Variants in FNDC3B observed in about 807,000 individuals in gnomAD.
The protein encoded by FNDC3B is fibronectin type III domain-containing protein 3B.
FNDC3B carries 12 observed loss-of-function variants against 151.5 expected under a neutral mutation model. That is an observed-to-expected ratio of 0.08 (90% CI 0.05 to 0.13). The LOEUF is 0.13. Among genes scored for constraint, FNDC3B ranks in the 10% least tolerant of loss-of-function variants. The pLI is 1.00. For synonymous variants in FNDC3B, 528 were observed against 549.0 expected (o/e 0.96, Z 0.54); for missense variants, 1,214 against 1,505.3 (o/e 0.81, Z 3.20).
At chr3:172,045,848 G>A (rs1444393732) in intron 1 of FNDC3B, among the ~76,000 whole-genome samples, 2 of 151,856 alleles carry the variant, frequency 1.3e-5, no homozygotes, top group African/African-American at 4.8e-5. Context: ...ATGGCATTAT[G>A]TGTTGTAAAG....
chr3:172,229,203 G>A (rs531268341), intron 4 of FNDC3B, among the ~76,000 whole-genome samples: 1 of 151,296 alleles, frequency 6.6e-6, no homozygotes, highest in East Asian at 1.9e-4. Flanking sequence ...CTGCTAGTTA[G>A]TTCTGTACAG....
intron 6 of FNDC3B, among the ~76,000 whole-genome samples, chr3:172,283,946 A>G (rs1052872678): frequency 8.3e-5 from 12 of 144,892 alleles, no homozygotes; most frequent in Admixed American, 6.0e-4. Context: ...CAAAACCATG[A>G]TATTACCACC....
intron 6 of FNDC3B, among the ~76,000 whole-genome samples, chr3:172,269,119 C>G (rs1176352973): frequency 6.6e-6 from 1 of 152,154 alleles, no homozygotes; most frequent in Non-Finnish European, 1.5e-5. Flanking sequence ...CTGTCTAGAA[C>G]GTTACAGTCT....
intron 1 of FNDC3B, among the ~76,000 whole-genome samples, chr3:172,043,054 A>G (rs1716171221): frequency 6.6e-6 from 1 of 152,110 alleles, no homozygotes; most frequent in Non-Finnish European, 1.5e-5. Flanking sequence ...AGCTGGGATT[A>G]CAGGCGCTTG....
chr3:172,150,895 CTTTATTT>C lies in FNDC3B; in HGVS notation c.187+17352_187+17358del, dbSNP rs538088578. ...CAAATAATCCATAAAATACACTACT[CTTTATTT>C]TTCTCATCTAGGTATTTTTTAAAAA... On this transcript the variant is annotated intron_variant, in intron 3 of 25. Coordinates refer to ENST00000415807, the MANE Select transcript of FNDC3B (RefSeq NM_022763.4). Among the ~76,000 whole-genome samples, 723 of 152,102 alleles carry C rather than the reference CTTTATTT, an allele frequency of 4.8e-3. 9 individuals are homozygous for C. Among genetic ancestry groups the C allele is most frequent in the African/African-American group, 0.017 (704 of 41,464 alleles).
At chr3:172,138,036 G>A (rs1721457757) in intron 3 of FNDC3B, among the ~76,000 whole-genome samples, 1 of 152,200 alleles carries the variant, frequency 6.6e-6, no homozygotes, top group Non-Finnish European at 1.5e-5. Context: ...TGCTGGCAAT[G>A]CAGCCTTCCT....
chr3:172,067,296 C>T (rs1013106639), intron 1 of FNDC3B, among the ~76,000 whole-genome samples: 5 of 152,092 alleles, frequency 3.3e-5, no homozygotes, highest in Middle Eastern at 3.2e-3. Context: ...TCTTAAACAG[C>T]GAGAATGGCC....
intron 22 of FNDC3B, among the ~76,000 whole-genome samples, chr3:172,359,032 G>T (rs1484823947): frequency 6.6e-6 from 1 of 150,954 alleles, no homozygotes. Context: ...GGTGGCGGTG[G>T]TGTGTGTTAA....
intron 11 of FNDC3B, 44 bp from the exon 12 acceptor site, chr3:172,328,905 GTTT>G: frequency 2.7e-6 from 3 of 1,106,710 alleles, no homozygotes; most frequent in Non-Finnish European, 2.5e-6. Flanking sequence ...GTTATCTGTT[GTTT>G]TTTTTTTTTT....
chr3:172,041,411 CTCCTTCCTTCCTTCCTTCCT>C (rs10530673), intron 1 of FNDC3B, among the ~76,000 whole-genome samples: 2,815 of 138,988 alleles, frequency 0.02, 48 homozygotes, highest in African/African-American at 0.038. Context: ...CTCCTTCTCT[CTCCTTCCTTCCTTCCTTCCT>C]TCCTTCCTTC....
At chr3:172,149,985 AT>A (rs1393400779) in intron 3 of FNDC3B, among the ~76,000 whole-genome samples, 1 of 151,466 alleles carries the variant, frequency 6.6e-6, no homozygotes, top group East Asian at 1.9e-4. Context: ...TGCCCAGCTA[AT>A]TTTTGTATTT....
chr3:172,333,004 AGGC>A, intron 13 of FNDC3B, 82 bp from the exon 14 acceptor site: 1 of 852,472 alleles, frequency 1.2e-6, no homozygotes, highest in Non-Finnish European at 2.0e-6. Context: ...TGGTAGGGAA[AGGC>A]AGTATAAAAA....
chr3:172,134,284 T>C, intron 3 of FNDC3B: 1 of 488,456 alleles, frequency 2.0e-6, no homozygotes, highest in South Asian at 1.5e-5. Flanking sequence ...AAATAAATGA[T>C]GTAGGTACTT....
chr3:172,180,407 G>A (rs754297339), intron 3 of FNDC3B, among the ~76,000 whole-genome samples: 1 of 152,238 alleles, frequency 6.6e-6, no homozygotes, highest in Non-Finnish European at 1.5e-5. Context: ...AGTATGCACT[G>A]TGGTCTTTAG....
intron 1 of FNDC3B, among the ~76,000 whole-genome samples, chr3:172,098,993 A>G (rs1191072625): frequency 6.6e-6 from 1 of 152,244 alleles, no homozygotes; most frequent in Non-Finnish European, 1.5e-5. Context: ...ATGTAAATAC[A>G]CATTCCACTC....
At chr3:172,262,652 G>A (rs890939569) in intron 6 of FNDC3B, among the ~76,000 whole-genome samples, 1 of 151,490 alleles carries the variant, frequency 6.6e-6, no homozygotes, top group Non-Finnish European at 1.5e-5. Flanking sequence ...GGCATGGGAG[G>A]ATCACTTTGT....
chr3:172,094,753 G>A (rs1345785003), intron 1 of FNDC3B, among the ~76,000 whole-genome samples: 1 of 151,474 alleles, frequency 6.6e-6, no homozygotes, highest in African/African-American at 2.4e-5. Flanking sequence ...ACAGTGCTAA[G>A]TCCTCTGTTC....
intron 2 of FNDC3B, among the ~76,000 whole-genome samples, chr3:172,116,511 A>G (rs909415493): frequency 6.6e-6 from 1 of 152,046 alleles, no homozygotes; most frequent in African/African-American, 2.4e-5. Flanking sequence ...CTGGAATTTC[A>G]TATAAATAAA....
chr3:172,096,528 C>T (rs1719099072), intron 1 of FNDC3B, among the ~76,000 whole-genome samples: 1 of 152,148 alleles, frequency 6.6e-6, no homozygotes, highest in East Asian at 1.9e-4. Flanking sequence ...AGTCCAGGAC[C>T]CTAGAGGAGA....
Sources: allele counts gnomAD v4.1 joint callset (sites outside exome capture counted in the v4.1 genomes callset), GRCh38; gene constraint gnomAD v4.1.1; transcripts MANE v1.5; gene names NCBI Gene and HGNC (gene_info 2026-07-23, HGNC 2026-07-21).